LRRC4C: variants seen among roughly 807,000 people sequenced by gnomAD.
The protein encoded by LRRC4C is leucine rich repeat containing 4C.
LRRC4C carries 5 observed loss-of-function variants against 33.6 expected under a neutral mutation model. The ratio of observed to expected loss-of-function variants is 0.15; its 90% CI spans 0.08 to 0.31. The LOEUF is 0.31. LRRC4C is among the 10% of genes least tolerant of loss of function. The pLI, the probability that LRRC4C is intolerant of heterozygous loss-of-function variation, is 1.00. For synonymous variants in LRRC4C, 329 were observed against 302.0 expected (o/e 1.09, Z -0.93); for missense variants, 560 against 796.7 (o/e 0.70, Z 3.58).
intron 2 of LRRC4C, among the ~76,000 whole-genome samples, chr11:40,906,414 G>T (rs953261445): frequency 2.0e-5 from 3 of 152,152 alleles, no homozygotes; most frequent in African/African-American, 7.2e-5. Flanking sequence ...GGGAGGCTGA[G>T]GTGGGAGAAT....
chr11:40,661,775 T>G (rs1943451453), intron 2 of LRRC4C, among the ~76,000 whole-genome samples: 1 of 152,206 alleles, frequency 6.6e-6, no homozygotes, highest in Admixed American at 6.5e-5. Context: ...TGCTATATGC[T>G]CTATTGGGAA....
chr11:40,895,251 T>C (rs1229310918), intron 2 of LRRC4C, among the ~76,000 whole-genome samples: 1 of 152,128 alleles, frequency 6.6e-6, no homozygotes, highest in African/African-American at 2.4e-5. Flanking sequence ...CTGGTCAAAT[T>C]TGATTTCTAA....
chr11:40,947,737 G>C (rs944383234), intron 1 of LRRC4C, among the ~76,000 whole-genome samples: 4 of 151,428 alleles, frequency 2.6e-5, no homozygotes, highest in African/African-American at 9.7e-5. Context: ...TTTTCTCTCC[G>C]CAGCTCTCCC....
At position 41,300,059 on chromosome 11, in the gene LRRC4C, T is replaced by A. The variant is rs943114906; in HGVS notation, c.-496+159372A>T. Among the ~76,000 whole-genome samples, 3 of 152,258 alleles carry A rather than the reference T, an allele frequency of 2.0e-5. No homozygotes were observed. In the South Asian group the frequency reaches 6.2e-4, roughly 32 times the overall value. On this transcript the variant is annotated intron_variant, in intron 1 of 6. Coordinates refer to ENST00000528697, the MANE Select transcript of LRRC4C (RefSeq NM_001258419.2). Reference sequence around the variant, plus strand: ...AAGGTAGAATCAAAAATAATTTTGCTGAAATCATGGGACCATAAACAGAAT... The same window carrying A: ...AAGGTAGAATCAAAAATAATTTTGCAGAAATCATGGGACCATAAACAGAAT...
At chr11:40,276,712 TG>T (rs1943129099) in intron 4 of LRRC4C, among the ~76,000 whole-genome samples, 6 of 151,466 alleles carry the variant, frequency 4.0e-5, no homozygotes, top group African/African-American at 9.7e-5. Context: ...TGTGTGTGTG[TG>T]TGTGTGTGTA....
chr11:41,439,546 A>AT (rs1319677943), intron 1 of LRRC4C, among the ~76,000 whole-genome samples: 1 of 151,874 alleles, frequency 6.6e-6, no homozygotes, highest in East Asian at 1.9e-4. Context: ...AATTTTTTTT[A>AT]TTTTTTAATA....
intron 4 of LRRC4C, among the ~76,000 whole-genome samples, chr11:40,263,088 C>A (rs1941986059): frequency 6.6e-6 from 1 of 151,986 alleles, no homozygotes; most frequent in Admixed American, 6.6e-5. Context: ...ATAAGATGCT[C>A]CACAGTTTCC....
chr11:41,183,555 C>T (rs1412551531), intron 1 of LRRC4C, among the ~76,000 whole-genome samples: 1 of 152,112 alleles, frequency 6.6e-6, no homozygotes, highest in South Asian at 2.1e-4. Flanking sequence ...GATGGGTTCC[C>T]AGGGTCTTGG....
At chr11:41,447,758 T>G (rs2138606502) in intron 1 of LRRC4C, among the ~76,000 whole-genome samples, 1 of 152,304 alleles carries the variant, frequency 6.6e-6, no homozygotes, top group South Asian at 2.1e-4. Context: ...AAATCCTGAT[T>G]CAGTTAAAAC....
At chr11:41,387,013 G>A (rs1953387014) in intron 1 of LRRC4C, among the ~76,000 whole-genome samples, 1 of 151,594 alleles carries the variant, frequency 6.6e-6, no homozygotes, top group Non-Finnish European at 1.5e-5. Context: ...ATTCCCAGTT[G>A]CTACATGTGT....
intron 3 of LRRC4C, among the ~76,000 whole-genome samples, chr11:40,362,530 G>A (rs1189438000): frequency 1.3e-5 from 2 of 152,132 alleles, no homozygotes; most frequent in African/African-American, 2.4e-5. Context: ...GACCAGTCTG[G>A]CCAACATGAC....
At chr11:40,294,659 C>A (rs1325645783) in intron 4 of LRRC4C, among the ~76,000 whole-genome samples, 2 of 151,664 alleles carry the variant, frequency 1.3e-5, no homozygotes, top group Non-Finnish European at 2.9e-5. Context: ...AAACCCCGTC[C>A]CTACTAAAAA....
At chr11:40,345,187 C>T (rs1389997749) in intron 3 of LRRC4C, among the ~76,000 whole-genome samples, 3 of 151,934 alleles carry the variant, frequency 2.0e-5, no homozygotes, top group African/African-American at 7.2e-5. Context: ...TCACAGAATT[C>T]AAAAATACTA....
chr11:41,338,360 G>C (rs1951522955), intron 1 of LRRC4C, among the ~76,000 whole-genome samples: 1 of 152,164 alleles, frequency 6.6e-6, no homozygotes, highest in Non-Finnish European at 1.5e-5. Flanking sequence ...ATAGAATGTA[G>C]CCATAAAGAG....
At position 41,036,462 on chromosome 11, in the gene LRRC4C, T is replaced by C. The variant is rs145299266; in HGVS notation, c.-495-102739A>G. Among the ~76,000 whole-genome samples, 586 of 152,258 alleles carry C rather than the reference T, an allele frequency of 3.8e-3. 4 individuals are homozygous for C. Among genetic ancestry groups the C allele is most frequent in the African/African-American group, 0.013 (558 of 41,558 alleles). ...CATTTTAAGAAACCCATAGGGTCTT[T>C]TGTAGTGGGTTCCTGTAACTATTTA... On this transcript the variant is annotated intron_variant, in intron 1 of 6. Coordinates refer to ENST00000528697, the MANE Select transcript of LRRC4C (RefSeq NM_001258419.2).
At chr11:40,125,615 T>C (rs1164324726) in intron 6 of LRRC4C, among the ~76,000 whole-genome samples, 1 of 152,166 alleles carries the variant, frequency 6.6e-6, no homozygotes, top group East Asian at 1.9e-4. Context: ...ATTTTATTAT[T>C]TTATTTTCCT....
At chr11:40,866,969 C>A (rs971392236) in intron 2 of LRRC4C, among the ~76,000 whole-genome samples, 1 of 151,994 alleles carries the variant, frequency 6.6e-6, no homozygotes, top group Non-Finnish European at 1.5e-5. Context: ...CCTCATGCCC[C>A]CTCCATCTTC....
chr11:40,860,866 A>C (rs1223697547), intron 2 of LRRC4C, among the ~76,000 whole-genome samples: 1 of 121,076 alleles, frequency 8.3e-6, no homozygotes, highest in Non-Finnish European at 1.6e-5. Flanking sequence ...CTTATTGGAA[A>C]CAAGGTTTTA....
In LRRC4C at chr11:41,351,955, A is replaced by G. The variant is rs11036366; in HGVS notation, c.-496+107476T>C. ...GGTACATAGATGACTGACACTAAAA[A>G]GCAACTGTACAATCAAGTCTACAAA... is the stretch of plus-strand genomic sequence containing the variant. On this transcript the variant is annotated intron_variant, in intron 1 of 6. Transcript: ENST00000528697. Among the ~76,000 whole-genome samples, 89 of 152,312 alleles carry G rather than the reference A, an allele frequency of 5.8e-4. No homozygotes were observed. In the East Asian group the frequency reaches 0.017, roughly 29 times the overall value.
Sources: gnomAD v4.1 joint callset for allele counts (sites outside exome capture counted in the v4.1 genomes callset) on GRCh38, gnomAD v4.1.1 for gene constraint, MANE v1.5 for transcripts, NCBI Gene and HGNC (gene_info 2026-07-23, HGNC 2026-07-21) for gene names.